The following MACROD2 variants were observed in gnomAD, a reference collection of about 807,000 sequenced individuals.
MACROD2 encodes ADP-ribose glycohydrolase MACROD2.
A neutral mutation model predicts 70.4 loss-of-function variants in MACROD2; 36 were observed. That is an observed-to-expected ratio of 0.51 (90% confidence interval 0.39 to 0.68). MACROD2 has a LOEUF of 0.68. Among genes scored for constraint, MACROD2 ranks in the 30% least tolerant of loss-of-function variants. The probability of loss-of-function intolerance (pLI) is 0.00; values close to 1 mark genes in which losing one functional copy is unlikely to be tolerated. For synonymous variants in MACROD2, 172 were observed against 178.8 expected, an observed-to-expected ratio of 0.96 and a Z score of 0.30; for missense variants, 496 against 538.4, an observed-to-expected ratio of 0.92 and a Z score of 0.78.
intron 5 of MACROD2, among the ~76,000 whole-genome samples, chr20:15,127,738 C>T (rs1014584396): frequency 2.0e-5 from 3 of 152,026 alleles, no homozygotes; most frequent in Non-Finnish European, 4.4e-5. Context: ...TACAATGTCT[C>T]TTACAACTTT....
chr20:14,003,225 A>G (rs1374605362), intron 2 of MACROD2, among the ~76,000 whole-genome samples: 1 of 152,204 alleles, frequency 6.6e-6, no homozygotes, highest in African/African-American at 2.4e-5. Context: ...CAGAATAAAG[A>G]CTAGCATGGA....
chr20:15,373,914 T>A (rs760785305), intron 6 of MACROD2, among the ~76,000 whole-genome samples: 27 of 152,326 alleles, frequency 1.8e-4, no homozygotes, highest in Admixed American at 1.3e-4. Flanking sequence ...CATGCATGTG[T>A]TGTAACTTCA....
chr20:15,378,172 GA>G (rs1453271335), intron 6 of MACROD2, among the ~76,000 whole-genome samples: 1 of 101,648 alleles, frequency 9.8e-6, no homozygotes, highest in Admixed American at 9.1e-5. Flanking sequence ...GAGAGAGAGA[GA>G]AAGGAACCCA....
chr20:15,221,236 A>T (rs2076858632), intron 5 of MACROD2, among the ~76,000 whole-genome samples: 1 of 152,074 alleles, frequency 6.6e-6, no homozygotes, highest in South Asian at 2.1e-4. Flanking sequence ...CAGAACAAAG[A>T]TCTTATTATC....
intron 4 of MACROD2, among the ~76,000 whole-genome samples, chr20:14,517,127 T>C (rs1034040488): frequency 1.1e-4 from 16 of 152,302 alleles, no homozygotes; most frequent in African/African-American, 3.8e-4. Flanking sequence ...GAAGACAGTA[T>C]GGCAATCCCT....
chr20:15,339,038 T>C (rs1161859005), intron 6 of MACROD2, among the ~76,000 whole-genome samples: 2 of 151,792 alleles, frequency 1.3e-5, no homozygotes, highest in East Asian at 3.8e-4. Context: ...TAATCTATTA[T>C]AGCTGGCCTC....
intron 8 of MACROD2, among the ~76,000 whole-genome samples, chr20:15,815,738 T>A (rs2063867018): frequency 6.6e-6 from 1 of 152,188 alleles, no homozygotes; most frequent in Non-Finnish European, 1.5e-5. Flanking sequence ...TGAAGTTATA[T>A]GAGTCTGACT....
rs2067152418 is a variant in MACROD2, at chr20:16,031,606, A to G, written c.1154-9595A>G. Among the ~76,000 whole-genome samples the G allele has an allele frequency of 2.6e-5, 4 of 152,298 alleles. No individual in the cohort carries two copies. In the South Asian group the frequency reaches 8.3e-4, roughly 32 times the overall value. On this transcript the variant is annotated intron_variant, in intron 15 of 17. Coordinates refer to ENST00000684519, the MANE Select transcript of MACROD2 (RefSeq NM_001351661.2). The stretch of plus-strand genomic sequence containing the variant: ...TGATGTGGGCCTGGATAAAGAAATT[A>G]TGATATATCTATATTTATGCAATGA...
chr20:16,044,808 C>G (rs968156491), intron 17 of MACROD2, among the ~76,000 whole-genome samples, 169 bp downstream of exon 17: 1 of 152,042 alleles, frequency 6.6e-6, no homozygotes, highest in Non-Finnish European at 1.5e-5. Flanking sequence ...AACGATCACC[C>G]CTAGAAGCTT....
intron 5 of MACROD2, among the ~76,000 whole-genome samples, chr20:14,773,228 A>T (rs1479842009): frequency 6.6e-6 from 1 of 152,150 alleles, no homozygotes; most frequent in African/African-American, 2.4e-5. Flanking sequence ...GGTTTCCCTT[A>T]AAAGAAAATG....
At chr20:15,704,856 C>CT (rs2050510571) in intron 8 of MACROD2, among the ~76,000 whole-genome samples, 1 of 152,166 alleles carries the variant, frequency 6.6e-6, no homozygotes, top group African/African-American at 2.4e-5. Flanking sequence ...CTTTATTGCT[C>CT]TTTGGTACTG....
In MACROD2 at chr20:14,389,388, C is replaced by T. The variant is rs1466513490; in HGVS notation, c.272-104091C>T. Among the ~76,000 whole-genome samples, 7 of 135,544 alleles carry T rather than the reference C, an allele frequency of 5.2e-5. 1 individual carries two copies. Among genetic ancestry groups the T allele is most frequent in the Non-Finnish European group, 1.1e-4 (7 of 65,620 alleles). 88.9% of individuals were successfully genotyped at this position (135,544 alleles called of 152,430 possible). The stretch of plus-strand genomic sequence containing the variant: ...AGTAAGCTGAGATTGCGCCACTGCA[C>T]TCTGACCTGGGCGACAGGGCGAGAC... On this transcript the variant is annotated intron_variant, in intron 3 of 17. Coordinates refer to ENST00000684519, the MANE Select transcript of MACROD2 (RefSeq NM_001351661.2).
At chr20:14,623,517 T>C (rs1983955818) in intron 4 of MACROD2, among the ~76,000 whole-genome samples, 1 of 152,154 alleles carries the variant, frequency 6.6e-6, no homozygotes, top group Non-Finnish European at 1.5e-5. Context: ...TGACCAATAC[T>C]ATAATAAATA....
chr20:14,055,507 CAAAAAAAAA>C (rs4052606), intron 2 of MACROD2, among the ~76,000 whole-genome samples: 1 of 103,210 alleles, frequency 9.7e-6, no homozygotes, highest in African/African-American at 3.3e-5. Context: ...GTTTCAGGAG[CAAAAAAAAA>C]AAAAAAAAAT....
chr20:15,278,931 G>C (rs555572522), intron 6 of MACROD2, among the ~76,000 whole-genome samples: 93 of 152,268 alleles, frequency 6.1e-4, no homozygotes, highest in African/African-American at 2.2e-3. Flanking sequence ...TTTCCTGAAT[G>C]TGAAATGGAT....
intron 8 of MACROD2, among the ~76,000 whole-genome samples, chr20:15,574,581 A>G (rs953885429): frequency 1.3e-5 from 2 of 152,162 alleles, no homozygotes; most frequent in Admixed American, 6.6e-5. Flanking sequence ...AGCTCTCGCA[A>G]TTGGGAATCT....
chr20:15,898,142 A>G (rs6034321), intron 10 of MACROD2, among the ~76,000 whole-genome samples: 10,099 of 152,240 alleles, frequency 0.066, 859 homozygotes, highest in African/African-American at 0.2. Flanking sequence ...TAAAACTGAC[A>G]TAGGCAAATC....
intron 5 of MACROD2, among the ~76,000 whole-genome samples, chr20:14,908,247 A>T (rs2073983519): frequency 6.6e-6 from 1 of 152,274 alleles, no homozygotes; most frequent in Middle Eastern, 3.4e-3. Context: ...AGGTTGAGGC[A>T]GGAGAATCAC....
At chr20:14,941,929 G>C (rs945105372) in intron 5 of MACROD2, among the ~76,000 whole-genome samples, 1 of 151,148 alleles carries the variant, frequency 6.6e-6, no homozygotes, top group African/African-American at 2.4e-5. Context: ...GACCACTGAC[G>C]TGTGCCACCA....
Sources: gnomAD v4.1 joint callset for allele counts (sites outside exome capture counted in the v4.1 genomes callset) on GRCh38, gnomAD v4.1.1 for gene constraint, MANE v1.5 for transcripts, NCBI Gene and HGNC (gene_info 2026-07-23, HGNC 2026-07-21) for gene names.